Variants in TRAF2 observed in about 807,000 individuals in gnomAD.
The protein encoded by TRAF2 is TNF receptor-associated factor 2.
In TRAF2, 6 loss-of-function variants were observed where a neutral mutation model predicts 55.6. That is an observed-to-expected ratio of 0.11 (90% CI 0.06 to 0.21). The LOEUF (loss-of-function observed/expected upper bound fraction) is 0.21. Among genes scored for constraint, TRAF2 ranks in the 10% least tolerant of loss-of-function variants. The pLI, the probability that TRAF2 is intolerant of heterozygous loss-of-function variation, is 1.00. For synonymous variants in TRAF2, 329 were observed against 276.3 expected (o/e 1.19, Z -1.89); for missense variants, 561 against 684.5 (o/e 0.82, Z 2.01).
At chr9:136,900,166 C>CT (rs1171662633) in intron 3 of TRAF2, among the ~76,000 whole-genome samples, 3 of 126,588 alleles carry the variant, frequency 2.4e-5, no homozygotes, top group Admixed American at 7.4e-5. Context: ...GAGACCCCTC[C>CT]TTTAAAAAAA....
chr9:136,919,042 A>ATATATATTTATT lies in TRAF2; in HGVS notation c.679-1189_679-1188insATATTTATTTAT, dbSNP rs149167081. On this transcript the variant is annotated intron_variant, in intron 7 of 10. Coordinates refer to ENST00000247668, the MANE Select transcript of TRAF2 (RefSeq NM_021138.4). ...GAGCCACTGCACCTGGCCTATTTTA[A>ATATATATTTATT]TATTTATTTATTTATTTATTTATTT... Among the ~76,000 whole-genome samples the ATATATATTTATT allele has an allele frequency of 9.8e-4, 136 of 138,382 alleles. 2 individuals carry two copies. The highest frequency in any genetic ancestry group is 3.4e-3 in the African/African-American group (124 of 36,590). 90.8% of individuals were successfully genotyped at this position (138,382 alleles called of 152,430 possible).
At chr9:136,912,134 G>C (rs561810016) in intron 6 of TRAF2, among the ~76,000 whole-genome samples, 1 of 145,232 alleles carries the variant, frequency 6.9e-6, no homozygotes, top group Admixed American at 7.0e-5. Context: ...TTACAGGCGT[G>C]AGCCACTGCG....
intron 1 of TRAF2, among the ~76,000 whole-genome samples, chr9:136,888,479 T>C (rs1849504905): frequency 6.6e-6 from 1 of 152,110 alleles, no homozygotes; most frequent in Admixed American, 6.6e-5. Flanking sequence ...AGTCCAGTAT[T>C]GTATGAAGCA....
intron 1 of TRAF2, among the ~76,000 whole-genome samples, chr9:136,892,831 A>G (rs971861446): frequency 1.3e-5 from 2 of 150,608 alleles, no homozygotes; most frequent in Admixed American, 6.6e-5. Context: ...ACCTTAGATC[A>G]CACCGTTGCA....
intron 6 of TRAF2, among the ~76,000 whole-genome samples, chr9:136,914,025 C>T (rs1850183272): frequency 6.6e-6 from 1 of 152,208 alleles, no homozygotes; most frequent in African/African-American, 2.4e-5. Context: ...GAAGCCTTGG[C>T]AGTGACGGAC....
intron 4 of TRAF2, among the ~76,000 whole-genome samples, chr9:136,904,294 C>G (rs1210493530): frequency 6.6e-6 from 1 of 152,232 alleles, no homozygotes; most frequent in Non-Finnish European, 1.5e-5. Context: ...GCCTCAAACT[C>G]CTGGGCTCAA....
At position 136,900,403 on chromosome 9, in the gene TRAF2, G is replaced by A; in HGVS notation, c.268-19G>A. 6.4e-7 allele frequency: 1 copy of A among 1,560,914 alleles called. No homozygotes were observed. Among genetic ancestry groups the A allele is most frequent in the Non-Finnish European group, 8.7e-7 (1 of 1,149,566 alleles). ...GAGTCTGGGAGGAGGTTTAACCCGA[G>A]GGATATTCCTCTCCCCAGGCCTTCC... On this transcript the variant is annotated intron_variant, in intron 3 of 10. Coordinates refer to ENST00000247668, the MANE Select transcript of TRAF2 (RefSeq NM_021138.4).
intron 6 of TRAF2, among the ~76,000 whole-genome samples, chr9:136,912,616 G>A (rs1423818579): frequency 4.6e-5 from 7 of 152,040 alleles, no homozygotes; most frequent in Admixed American, 4.6e-4. Flanking sequence ...GAGGCGGGAG[G>A]ATCACTTGAG....
intron 1 of TRAF2, among the ~76,000 whole-genome samples, chr9:136,894,201 A>G (rs536852364): frequency 7.2e-4 from 108 of 150,096 alleles, no homozygotes; most frequent in South Asian, 4.6e-3. Flanking sequence ...CACACACCAC[A>G]ATGTCCGGCT....
At chr9:136,907,676 T>G (rs17250826) in intron 4 of TRAF2, among the ~76,000 whole-genome samples, 96 of 152,150 alleles carry the variant, frequency 6.3e-4, no homozygotes, top group Middle Eastern at 3.4e-3. Flanking sequence ...GCGTTGGGCT[T>G]GGTCATCAGA....
chr9:136,895,804 C>A (rs1849667113), intron 1 of TRAF2, among the ~76,000 whole-genome samples: 1 of 149,314 alleles, frequency 6.7e-6, no homozygotes, highest in South Asian at 2.1e-4. Flanking sequence ...ACAGATTGCT[C>A]CACTGCACTC....
chr9:136,884,942 C>A (rs998023050), upstream of TRAF2, among the ~76,000 whole-genome samples: 1 of 152,226 alleles, frequency 6.6e-6, no homozygotes, highest in Non-Finnish European at 1.5e-5. Context: ...CGCCTTCTTA[C>A]GTTTGAGAGC....
intron 7 of TRAF2, among the ~76,000 whole-genome samples, chr9:136,917,752 T>C (rs1850275997): frequency 6.6e-6 from 1 of 152,194 alleles, no homozygotes; most frequent in Non-Finnish European, 1.5e-5. Flanking sequence ...CTGCTTCCAT[T>C]TTCTTTGTCT....
upstream of TRAF2, among the ~76,000 whole-genome samples, chr9:136,884,887 A>G (rs1472406305): frequency 4.6e-5 from 7 of 152,230 alleles, no homozygotes; most frequent in Non-Finnish European, 1.0e-4. Flanking sequence ...TGGCTGCTGC[A>G]GACTCAGGAC....
At chr9:136,897,932 C>T (rs7045799) in intron 1 of TRAF2, among the ~76,000 whole-genome samples, 1 of 129,076 alleles carries the variant, frequency 7.7e-6, no homozygotes. Flanking sequence ...ACTAGCCAGC[C>T]TCAGGTGTGC....
In TRAF2 at chr9:136,886,561, G is replaced by A. The variant is rs1326250778; in HGVS notation, c.-29+20G>A. 3 of 983,542 alleles carry A rather than the reference G, an allele frequency of 3.1e-6. No individual in the cohort carries two copies. The highest frequency in any genetic ancestry group is 3.5e-5 in the African/African-American group (2 of 56,912). 60.9% of individuals were successfully genotyped at this position (983,542 alleles called of 1,614,324 possible). ...CGTTGGGTGAGGCGAGCGCGGGGTC[G>A]GGTGCGGGGTCGGGCGCGGGCGCGG... On this transcript the variant is annotated intron_variant, in intron 1 of 10. Transcript: ENST00000247668.
chr9:136,900,415 T>TCC lies in TRAF2; in HGVS notation c.268-4_268-3dup. 6.3e-7 allele frequency: 1 copy of TCC among 1,577,958 alleles called. No individual in the cohort carries two copies. The highest frequency in any genetic ancestry group is 8.6e-7 in the Non-Finnish European group (1 of 1,160,208). ...AGGTTTAACCCGAGGGATATTCCTC[T>TCC]CCCCAGGCCTTCCCAGATAATGCTG... On this transcript the variant is annotated splice_region_variant and splice_polypyrimidine_tract_variant and intron_variant, in intron 3 of 10. Coordinates refer to ENST00000247668, the MANE Select transcript of TRAF2 (RefSeq NM_021138.4).
intron 7 of TRAF2, among the ~76,000 whole-genome samples, chr9:136,919,150 T>C (rs1564420055): frequency 6.6e-6 from 1 of 151,664 alleles, no homozygotes; most frequent in Admixed American, 6.6e-5. Context: ...AGCCTCCCTC[T>C]CCTGGGTTCA....
chr9:136,899,272 C>CT (rs1849759324), intron 2 of TRAF2, among the ~76,000 whole-genome samples: 2 of 152,208 alleles, frequency 1.3e-5, no homozygotes, highest in African/African-American at 4.8e-5. Context: ...GCCTTCCTTG[C>CT]AGCGAGTGGT....
Sources: allele counts gnomAD v4.1 joint callset (sites outside exome capture counted in the v4.1 genomes callset), GRCh38; gene constraint gnomAD v4.1.1; transcripts MANE v1.5; gene names NCBI Gene and HGNC (gene_info 2026-07-23, HGNC 2026-07-21).